Variants in RACGAP1 observed in about 807,000 individuals in gnomAD.
RACGAP1 encodes rac GTPase-activating protein 1.
In RACGAP1, 30 loss-of-function variants were observed where a neutral mutation model predicts 78.1. The observed-to-expected ratio is 0.38, with a 90% CI of 0.29 to 0.52. RACGAP1 has a LOEUF of 0.52. RACGAP1 is among the 20% of genes least tolerant of loss of function. RACGAP1 has a pLI of 0.82. For synonymous variants in RACGAP1, 231 were observed against 264.8 expected, an observed-to-expected ratio of 0.87 and a Z score of 1.24; for missense variants, 587 against 777.1, an observed-to-expected ratio of 0.76 and a Z score of 2.91.
In RACGAP1 at chr12:49,990,736, A is replaced by T; in HGVS notation, c.1771T>A (p.Ser591Thr). The stretch of plus-strand genomic sequence containing the variant: ...CGGACTCTCTGTGACAGGGAACTAG[A>T]TGAAGGAGTCTTGAGAAGCTGATGT... ...PEHQLLKTPS[S>T]SSLSQRVRST... The change falls in exon 16 of 17, where the codon TCT becomes ACT. Residue 591 changes from serine (S) to threonine (T), a missense_variant. By Grantham distance (58) the Ser-to-Thr change is moderately conservative. Transcript: ENST00000312377. 6.2e-7 allele frequency: 1 copy of T among 1,614,148 alleles called. No homozygotes were observed. The highest frequency in any genetic ancestry group is 8.5e-7 in the Non-Finnish European group (1 of 1,179,992).
Position 50,006,459 on chromosome 12 carries a change from C to G in RACGAP1, c.263G>C (p.Arg88Thr), listed in dbSNP as rs200432429. 8.7e-6 allele frequency: 14 copies of G among 1,614,176 alleles called. No individual in the cohort carries two copies. Among genetic ancestry groups the G allele is most frequent in the East Asian group, 2.2e-5 (1 of 44,888 alleles). The change falls in exon 3 of 17, where the codon AGA (arginine) becomes ACA (threonine). Residue 88 changes from arginine (R) to threonine (T), a missense_variant. By Grantham distance (71) the Arg-to-Thr change is moderately conservative (BLOSUM62 -1). Transcript: ENST00000312377. ...CAGCTTTTCGCAGTCAGCCTCAGCT[C>G]TCTGTCTCCGTTTGATCTCTACATC... ...QVDVEIKRRQ[R>T]AEADCEKLER...
At chr12:50,025,746 C>T (rs765340753), upstream of RACGAP1, among the ~76,000 whole-genome samples, 1 of 152,114 alleles carries the variant, frequency 6.6e-6, no homozygotes, top group East Asian at 1.9e-4. Flanking sequence ...TTCCTGAATG[C>T]GAATTATTCT....
rs1407328725 is a variant in RACGAP1 at position 49,990,300 on chromosome 12, C to T, written c.1867G>A (p.Gly623Ser). The change falls in exon 17 of 17, where the codon GGC (glycine) becomes AGC (serine). Residue 623 changes from glycine to serine, a missense_variant. Physicochemically the swap from Gly to Ser is moderately conservative, Grantham distance 56 (BLOSUM62 0). Transcript: ENST00000312377. ...AGCATTGGAGAAGCAAAAAAGTTGC[C>T]TTGTCGTCCTAGGTTAGTGGCAGAC... The part of the protein sequence containing the change: ...SKSATNLGRQ[G>S]NFFASPMLK 6.2e-7 allele frequency: 1 copy of T among 1,613,834 alleles called. No individual in the cohort carries two copies. The highest frequency in any genetic ancestry group is 8.5e-7 in the Non-Finnish European group (1 of 1,179,880).
At chr12:49,992,909 G>A (rs1214292050) in intron 12 of RACGAP1, among the ~76,000 whole-genome samples, 1 of 152,180 alleles carries the variant, frequency 6.6e-6, no homozygotes, top group East Asian at 1.9e-4. Context: ...TAGGCAGACA[G>A]GCATACAATT....
chr12:50,023,291 T>TA (rs1223636216), intron 1 of RACGAP1, among the ~76,000 whole-genome samples: 1 of 152,248 alleles, frequency 6.6e-6, no homozygotes, highest in African/African-American at 2.4e-5. Flanking sequence ...AGGGATGTAC[T>TA]AATGCACAGT....
Position 49,991,991 on chromosome 12 carries a change from G to C in RACGAP1, c.1714+7C>G, listed in dbSNP as rs1284539559. ...AAGTCCCTGAAGAAGCACATCTTGG[G>C]CCTTACCTTTAATATCTGGTGTCTG... On this transcript the variant is annotated splice_region_variant and intron_variant, in intron 15 of 16. Transcript: ENST00000312377. The C allele has an allele frequency of 6.2e-7, 1 of 1,613,562 alleles. No homozygotes were observed. The highest frequency in any genetic ancestry group is 1.1e-5 in the South Asian group (1 of 90,996).
chr12:50,000,157 G>T (rs1446022098), intron 7 of RACGAP1, among the ~76,000 whole-genome samples: 1 of 151,984 alleles, frequency 6.6e-6, no homozygotes, highest in African/African-American at 2.4e-5. Flanking sequence ...GGGACTACAG[G>T]CGTCTGCCAC....
upstream of RACGAP1, among the ~76,000 whole-genome samples, chr12:50,027,719 G>A (rs150748810): frequency 2.0e-5 from 3 of 152,164 alleles, no homozygotes; most frequent in African/African-American, 7.2e-5. Flanking sequence ...CCAGCTACTC[G>A]GGAGGCTGAG....
At chr12:50,015,272 G>A (rs1949594639) in intron 2 of RACGAP1, among the ~76,000 whole-genome samples, 1 of 152,132 alleles carries the variant, frequency 6.6e-6, no homozygotes, top group Non-Finnish European at 1.5e-5. Context: ...CTCCTGAGTA[G>A]CTGGGAATAC....
upstream of RACGAP1, among the ~76,000 whole-genome samples, chr12:50,029,505 C>T (rs373051959): frequency 1.3e-5 from 2 of 152,038 alleles, no homozygotes; most frequent in African/African-American, 4.8e-5. Flanking sequence ...ACCCGGGAGA[C>T]GGAGGTTGCA....
chr12:49,991,142 C>T (rs1282821113), intron 15 of RACGAP1, among the ~76,000 whole-genome samples: 2 of 151,976 alleles, frequency 1.3e-5, no homozygotes, highest in African/African-American at 2.4e-5. Context: ...TGGAGTGAAA[C>T]CAGCCTATTC....
intron 10 of RACGAP1, among the ~76,000 whole-genome samples, 173 bp from the exon 11 acceptor site, chr12:49,994,682 A>G (rs1260577893): frequency 6.6e-6 from 1 of 152,102 alleles, no homozygotes; most frequent in African/African-American, 2.4e-5. Flanking sequence ...TATTTTTCCT[A>G]CCTCCACACC....
intron 2 of RACGAP1, among the ~76,000 whole-genome samples, chr12:50,009,845 C>T (rs1393926434): frequency 1.3e-5 from 2 of 152,220 alleles, no homozygotes; most frequent in African/African-American, 4.8e-5. Context: ...CTACCTATTA[C>T]ATACCCATTT....
intron 1 of RACGAP1, among the ~76,000 whole-genome samples, chr12:50,023,472 G>A (rs750986357): frequency 2.0e-5 from 3 of 151,974 alleles, no homozygotes; most frequent in African/African-American, 4.8e-5. Context: ...GGTGGCTGAC[G>A]CCTCTAATCC....
intron 2 of RACGAP1, among the ~76,000 whole-genome samples, chr12:50,031,060 G>A (rs1220922847): frequency 1.3e-5 from 2 of 151,482 alleles, no homozygotes; most frequent in African/African-American, 2.4e-5. Flanking sequence ...GATTACAGAC[G>A]CCACCGCGCC....
chr12:50,031,656 C>T (rs1319064163), intron 2 of RACGAP1: 5 of 982,322 alleles, frequency 5.1e-6, no homozygotes, highest in African/African-American at 1.8e-5. Context: ...CGGAACTTCC[C>T]GAACTTCCAG....
chr12:50,032,536 A>AGT (rs60239235), intron 1 of RACGAP1, among the ~76,000 whole-genome samples: 4,126 of 147,100 alleles, frequency 0.028, 91 homozygotes, highest in South Asian at 0.078. Flanking sequence ...GGAAAAGGTG[A>AGT]GTGTGTGTGT....
chr12:50,027,051 A>G (rs1950280984), upstream of RACGAP1, among the ~76,000 whole-genome samples: 2 of 152,148 alleles, frequency 1.3e-5, no homozygotes. Context: ...CACTTCCTCC[A>G]AGTATAATGT....
upstream of RACGAP1, among the ~76,000 whole-genome samples, chr12:50,026,815 C>T (rs1470370498): frequency 6.6e-6 from 1 of 152,144 alleles, no homozygotes; most frequent in Admixed American, 6.6e-5. Context: ...CCTAGGACTA[C>T]AGGCACATGA....
Sources: gnomAD v4.1 joint callset for allele counts (sites outside exome capture counted in the v4.1 genomes callset) on GRCh38, gnomAD v4.1.1 for gene constraint, MANE v1.5 for transcripts, NCBI Gene and HGNC (gene_info 2026-07-23, HGNC 2026-07-21) for gene names.